GAL3ST1: variants seen among roughly 807,000 people sequenced by gnomAD.
GAL3ST1 encodes the protein galactosylceramide sulfotransferase.
A neutral mutation model predicts 25.0 loss-of-function variants in GAL3ST1; 13 were observed. The observed-to-expected ratio is 0.52, with a 90% CI of 0.34 to 0.83. The LOEUF (loss-of-function observed/expected upper bound fraction) is 0.83, where lower values mean the gene tolerates loss of function less well. Among genes scored for constraint, GAL3ST1 ranks in the 40% least tolerant of loss-of-function variants. GAL3ST1 has a pLI of 0.02. For synonymous variants in GAL3ST1, 274 were observed against 277.8 expected (o/e 0.99, Z 0.14); for missense variants, 474 against 613.6 (o/e 0.77, Z 2.40).
At chr22:30,571,577 T>C (rs1055384810) in intron 1 of GAL3ST1, among the ~76,000 whole-genome samples, 1 of 152,178 alleles carries the variant, frequency 6.6e-6, no homozygotes, top group African/African-American at 2.4e-5. Context: ...TCAAAGGGCA[T>C]CCACGGCCGG....
At position 30,554,767 on chromosome 22, in the gene GAL3ST1, T is replaced by G. The variant is rs76876427; in HGVS notation, c.*186A>C. ...TGGTATAATTAGTTAAATACTGATCTCGGTTAGGCCCTCTCTGTGTTCATG... is the reference window on the plus strand; with the variant it reads ...TGGTATAATTAGTTAAATACTGATCGCGGTTAGGCCCTCTCTGTGTTCATG... On this transcript the variant is annotated 3_prime_UTR_variant, in exon 4 of 4. Coordinates refer to ENST00000406361, the MANE Select transcript of GAL3ST1 (RefSeq NM_001318104.2). The G allele has an allele frequency of 2.4e-3, 1,236 of 519,574 alleles. 14 individuals carry two copies. The highest frequency in any genetic ancestry group is 0.022 in the African/African-American group (1,117 of 50,604). 32.2% of individuals were successfully genotyped at this position (519,574 alleles called of 1,614,324 possible). A position where few individuals can be genotyped will look rare whatever the true frequency, so the allele number is the denominator to read the frequency against.
chr22:30,563,275 C>T (rs1275545600), intron 1 of GAL3ST1: 1 of 152,174 alleles, frequency 6.6e-6, no homozygotes, highest in Non-Finnish European at 1.5e-5. Flanking sequence ...GTTTATTTAG[C>T]ATCCTGAAGG....
intron 1 of GAL3ST1, among the ~76,000 whole-genome samples, chr22:30,559,389 C>G (rs988489608): frequency 5.9e-5 from 9 of 151,682 alleles, no homozygotes; most frequent in Non-Finnish European, 8.8e-5. Context: ...TACAGGCACA[C>G]GCCACCACAC....
intron 2 of GAL3ST1, chr22:30,557,700 TTC>T: frequency 3.5e-6 from 1 of 285,128 alleles, no homozygotes; most frequent in Admixed American, 5.1e-5. Flanking sequence ...GCCCCAAACT[TTC>T]CACTCCTTTT....
intron 1 of GAL3ST1, among the ~76,000 whole-genome samples, chr22:30,562,944 G>A (rs1050480135): frequency 4.6e-5 from 7 of 152,100 alleles, no homozygotes; most frequent in African/African-American, 9.6e-5. Context: ...CTGAAACACC[G>A]TCTCTACTAA....
At chr22:30,571,716 T>C (rs983309908) in intron 1 of GAL3ST1, among the ~76,000 whole-genome samples, 2 of 152,022 alleles carry the variant, frequency 1.3e-5, no homozygotes, top group Non-Finnish European at 2.9e-5. Context: ...ATAAAAAAAT[T>C]AGCCAGGCTT....
Position 30,555,877 on chromosome 22 carries a change from G to A in GAL3ST1, c.348C>T (p.Asp116=). The A allele has an allele frequency of 6.2e-7, 1 of 1,614,206 alleles. No individual in the cohort carries two copies. The highest frequency in any genetic ancestry group is 8.5e-7 in the Non-Finnish European group (1 of 1,180,022). Residue 116 remains aspartate (D), a synonymous_variant, in exon 4 of 4, where the codon GAC becomes GAT. Coordinates refer to ENST00000406361, the MANE Select transcript of GAL3ST1 (RefSeq NM_001318104.2). The surrounding 1 kb of genome is among the most constrained non-coding windows in gnomAD (Gnocchi z 8.6). ...GGCTGCGGGCGAAGAAGGTCGGGTA[G>A]TCGAAGTCATTGCGGCCGTTAGGGA... The part of the protein sequence containing the change: ...FAFPNGRNDF[D]YPTFFARSLV...
In GAL3ST1 at chr22:30,554,796, C is replaced by A. The variant is rs2085885451; in HGVS notation, c.*157G>T. ...TTAGGCCCTCTCTGTGTTCATGGGCCCAGTCTTGGCTGGCTGCCTCCCCCC... is the reference window on the plus strand; with the variant it reads ...TTAGGCCCTCTCTGTGTTCATGGGCACAGTCTTGGCTGGCTGCCTCCCCCC... On this transcript the variant is annotated 3_prime_UTR_variant, in exon 4 of 4. Transcript: ENST00000406361. 1.8e-6 allele frequency: 1 copy of A among 568,122 alleles called. No individual in the cohort carries two copies. The highest frequency in any genetic ancestry group is 1.9e-5 in the African/African-American group (1 of 52,280). 35.2% of individuals were successfully genotyped at this position (568,122 alleles called of 1,614,324 possible). A position where few individuals can be genotyped will look rare whatever the true frequency, so the allele number is the denominator to read the frequency against.
chr22:30,568,225 G>A (rs1037260745), intron 1 of GAL3ST1, among the ~76,000 whole-genome samples: 2 of 152,246 alleles, frequency 1.3e-5, no homozygotes, highest in Non-Finnish European at 2.9e-5. Flanking sequence ...GCTTCCTGGG[G>A]TAGGGGCCTC....
chr22:30,564,953 C>G (rs1601967995), intron 1 of GAL3ST1: 1 of 152,376 alleles, frequency 6.6e-6, no homozygotes, highest in East Asian at 1.9e-4. Context: ...CTGGCTCCCT[C>G]CCACTCCAGT....
At chr22:30,556,219 G>A in intron 3 of GAL3ST1, 126 bp from the exon 4 acceptor site, 1 of 772,972 alleles carries the variant, frequency 1.3e-6, no homozygotes, top group Non-Finnish European at 2.0e-6. Flanking sequence ...AGACCTGTGG[G>A]GCCTGAGTCC....
chr22:30,571,601 C>G (rs945562956), intron 1 of GAL3ST1, among the ~76,000 whole-genome samples: 1 of 152,092 alleles, frequency 6.6e-6, no homozygotes, highest in Non-Finnish European at 1.5e-5. Flanking sequence ...CAGTGGCTCA[C>G]GCCTGTAATC....
chr22:30,567,886 T>G (rs1398045625), intron 1 of GAL3ST1, among the ~76,000 whole-genome samples: 1 of 152,074 alleles, frequency 6.6e-6, no homozygotes, highest in Admixed American at 6.6e-5. Flanking sequence ...TTTCACCACC[T>G]TGGGCAGGCT....
chr22:30,558,459 T>TC (rs769324590), intron 1 of GAL3ST1, 71 bp from the exon 2 acceptor site: 1 of 152,096 alleles, frequency 6.6e-6, no homozygotes, highest in African/African-American at 2.4e-5. Flanking sequence ...GGGCCCTCCC[T>TC]CCCCCAGGCC....
At chr22:30,569,663 A>T (rs930094226) in intron 1 of GAL3ST1, among the ~76,000 whole-genome samples, 4 of 152,100 alleles carry the variant, frequency 2.6e-5, no homozygotes, top group Non-Finnish European at 5.9e-5. Context: ...GAATAACTAG[A>T]GTCACCAGGG....
intron 1 of GAL3ST1, among the ~76,000 whole-genome samples, chr22:30,558,738 C>T (rs2086196290): frequency 6.6e-6 from 1 of 152,212 alleles, no homozygotes; most frequent in African/African-American, 2.4e-5. Flanking sequence ...TGCTCACATA[C>T]CCACCCCCTT....
In GAL3ST1 at chr22:30,562,798, C is replaced by T. The variant is rs185953696; in HGVS notation, c.-119-4410G>A. On this transcript the variant is annotated intron_variant, in intron 1 of 3. Coordinates refer to ENST00000406361, the MANE Select transcript of GAL3ST1 (RefSeq NM_001318104.2). ...GGAGAGATCCTGTGTAGGAGACCTACAGACGAAAGTAATACATGTGAGGCA... is the reference window on the plus strand; with the variant it reads ...GGAGAGATCCTGTGTAGGAGACCTATAGACGAAAGTAATACATGTGAGGCA... Among the ~76,000 whole-genome samples the T allele has an allele frequency of 1.5e-4, 23 of 152,342 alleles. No homozygotes were observed. The East Asian group carries it at 4.4e-3, about 29-fold the overall frequency.
chr22:30,571,581 C>T lies in GAL3ST1; in HGVS notation c.-120+2885G>A, dbSNP rs148042236. On this transcript the variant is annotated intron_variant, in intron 1 of 3. Coordinates refer to ENST00000406361, the MANE Select transcript of GAL3ST1 (RefSeq NM_001318104.2). ...TCTCTGCTGTTTCAAAGGGCATCCA[C>T]GGCCGGGCGCAGTGGCTCACGCCTG... Among the ~76,000 whole-genome samples, 53 of 152,118 alleles carry T rather than the reference C, an allele frequency of 3.5e-4. No individual in the cohort carries two copies. The East Asian group carries it at 8.5e-3, about 25-fold the overall frequency.
chr22:30,558,739 C>T (rs919053206), intron 1 of GAL3ST1, among the ~76,000 whole-genome samples: 8 of 152,166 alleles, frequency 5.3e-5, no homozygotes, highest in Non-Finnish European at 8.8e-5. Context: ...GCTCACATAC[C>T]CACCCCCTTT....
Sources: allele counts gnomAD v4.1 joint callset (sites outside exome capture counted in the v4.1 genomes callset), GRCh38; gene constraint gnomAD v4.1.1; non-coding constraint Gnocchi (gnomAD v3.1); transcripts MANE v1.5; gene names NCBI Gene and HGNC (gene_info 2026-07-23, HGNC 2026-07-21).